ATP8A2: variants seen among roughly 807,000 people sequenced by gnomAD.
ATP8A2 encodes the protein ATPase phospholipid transporting 8A2.
In ATP8A2, 100 loss-of-function variants were observed where a neutral mutation model predicts 165.6. That is an observed-to-expected ratio of 0.60 (90% CI 0.51 to 0.71). The LOEUF is 0.71. Among genes scored for constraint, ATP8A2 ranks in the 30% least tolerant of loss-of-function variants. ATP8A2 has a pLI of 0.00. For synonymous variants in ATP8A2, 543 were observed against 548.8 expected (o/e 0.99, Z 0.15); for missense variants, 1,227 against 1,479.5 (o/e 0.83, Z 2.80).
chr13:25,679,090 G>A (rs2042430952), intron 24 of ATP8A2, among the ~76,000 whole-genome samples: 1 of 152,124 alleles, frequency 6.6e-6, no homozygotes, highest in African/African-American at 2.4e-5. Context: ...AACCAGGTAA[G>A]CAATGGGAGG....
At chr13:25,663,402 G>A (rs1381684814) in intron 24 of ATP8A2, among the ~76,000 whole-genome samples, 1 of 152,090 alleles carries the variant, frequency 6.6e-6, no homozygotes, top group Non-Finnish European at 1.5e-5. Flanking sequence ...TTTGCAGATG[G>A]GAGAGGTATT....
intron 25 of ATP8A2, among the ~76,000 whole-genome samples, chr13:25,743,125 A>G (rs1359861561): frequency 6.6e-6 from 1 of 152,066 alleles, no homozygotes; most frequent in Non-Finnish European, 1.5e-5. Flanking sequence ...ATACACCTTT[A>G]TAAGGACTGG....
chr13:25,726,269 C>A (rs1191383816), intron 25 of ATP8A2, among the ~76,000 whole-genome samples: 1 of 152,132 alleles, frequency 6.6e-6, no homozygotes, highest in Non-Finnish European at 1.5e-5. Context: ...AAATGTAACT[C>A]AATGTGTCAG....
At chr13:25,777,934 C>T (rs79640970) in intron 27 of ATP8A2, among the ~76,000 whole-genome samples, 4,006 of 152,278 alleles carry the variant, frequency 0.026, 170 homozygotes, top group African/African-American at 0.091. Flanking sequence ...CTGTCCTGAC[C>T]TTTTTCTCTG....
chr13:25,809,922 A>G (rs1341233467), intron 27 of ATP8A2, among the ~76,000 whole-genome samples: 1 of 152,156 alleles, frequency 6.6e-6, no homozygotes, highest in Non-Finnish European at 1.5e-5. Flanking sequence ...GAAGACATGC[A>G]TATGTGTCAA....
intron 2 of ATP8A2, among the ~76,000 whole-genome samples, chr13:25,497,121 A>C (rs2036701619): frequency 6.6e-6 from 1 of 152,150 alleles, no homozygotes; most frequent in Non-Finnish European, 1.5e-5. Context: ...ACAATATGTG[A>C]AGTATCATGA....
intron 33 of ATP8A2, among the ~76,000 whole-genome samples, chr13:25,897,769 C>T (rs572980227): frequency 2.3e-4 from 35 of 152,258 alleles, no homozygotes; most frequent in African/African-American, 8.2e-4. Flanking sequence ...TCTCTTCACG[C>T]TTCATTTCAT....
chr13:25,570,750 C>T lies in ATP8A2; in HGVS notation c.1474-17C>T. Reference sequence around the variant, plus strand: ...GAAGGTGTTGTATCTGACACTAATCCCGCCTCACGTTTGCAGCCCACAGCC... The same window carrying T: ...GAAGGTGTTGTATCTGACACTAATCTCGCCTCACGTTTGCAGCCCACAGCC... On this transcript the variant is annotated splice_polypyrimidine_tract_variant and intron_variant, in intron 16 of 36. Coordinates refer to ENST00000381655, the MANE Select transcript of ATP8A2 (RefSeq NM_016529.6). The T allele has an allele frequency of 6.2e-7, 1 of 1,604,416 alleles. No individual in the cohort carries two copies.
At chr13:25,979,852 A>T (rs1429171035) in intron 35 of ATP8A2, among the ~76,000 whole-genome samples, 1 of 152,146 alleles carries the variant, frequency 6.6e-6, no homozygotes, top group African/African-American at 2.4e-5. Flanking sequence ...CTAAGATGAC[A>T]CTGTCGGGGA....
At chr13:25,395,465 T>C (rs114426044) in intron 1 of ATP8A2, among the ~76,000 whole-genome samples, 4,538 of 152,170 alleles carry the variant, frequency 0.03, 78 homozygotes, top group Middle Eastern at 0.058. Flanking sequence ...AGAAAAGGCA[T>C]ACACATTTAT....
chr13:26,019,785 C>T (rs1055723125), intron 36 of ATP8A2, 103 bp from the exon 37 acceptor site: 15 of 733,832 alleles, frequency 2.0e-5, no homozygotes, highest in African/African-American at 7.0e-5. Context: ...GGCCAGATGT[C>T]GCACTCACCC....
chr13:25,627,996 G>A (rs965740615), intron 24 of ATP8A2, among the ~76,000 whole-genome samples: 5 of 152,176 alleles, frequency 3.3e-5, no homozygotes, highest in Admixed American at 2.6e-4. Flanking sequence ...CTGACATAAA[G>A]AAGCCATGAT....
intron 24 of ATP8A2, among the ~76,000 whole-genome samples, chr13:25,629,488 T>C (rs1366504306): frequency 6.6e-6 from 1 of 152,198 alleles, no homozygotes; most frequent in Non-Finnish European, 1.5e-5. Flanking sequence ...TCACCATTAG[T>C]AATACTCTTT....
intron 33 of ATP8A2, among the ~76,000 whole-genome samples, chr13:25,893,055 T>TA (rs1953426985): frequency 6.6e-6 from 1 of 152,026 alleles, no homozygotes; most frequent in Admixed American, 6.6e-5. Context: ...TTCTTTTTTT[T>TA]ATTATTATTA....
chr13:25,384,855 T>G (rs1041923326), intron 1 of ATP8A2, among the ~76,000 whole-genome samples: 18 of 152,190 alleles, frequency 1.2e-4, no homozygotes, highest in African/African-American at 3.6e-4. Flanking sequence ...CCATCCCAGT[T>G]TTTTGGCAGT....
intron 35 of ATP8A2, among the ~76,000 whole-genome samples, chr13:25,976,561 T>A (rs765145264): frequency 1.1e-3 from 150 of 142,586 alleles, no homozygotes; most frequent in Non-Finnish European, 1.9e-3. Flanking sequence ...TAGCATGGTC[T>A]GATGAAAAGG....
At chr13:25,536,517 C>T (rs1407287636) in intron 6 of ATP8A2, among the ~76,000 whole-genome samples, 1 of 152,172 alleles carries the variant, frequency 6.6e-6, no homozygotes, top group Non-Finnish European at 1.5e-5. Flanking sequence ...TCCCCAGACA[C>T]TTTAATAAAC....
At chr13:25,848,135 G>T (rs1593442756) in intron 30 of ATP8A2, among the ~76,000 whole-genome samples, 1 of 152,230 alleles carries the variant, frequency 6.6e-6, no homozygotes, top group African/African-American at 2.4e-5. Context: ...GGCCTTGCCA[G>T]GCATGCTGTG....
At chr13:25,792,061 C>CG (rs1484286206) in intron 27 of ATP8A2, among the ~76,000 whole-genome samples, 2 of 152,234 alleles carry the variant, frequency 1.3e-5, no homozygotes, top group Non-Finnish European at 2.9e-5. Context: ...GTGTAGAATT[C>CG]TATTTGTGTC....
Sources: allele counts gnomAD v4.1 joint callset (sites outside exome capture counted in the v4.1 genomes callset), GRCh38; gene constraint gnomAD v4.1.1; transcripts MANE v1.5; gene names NCBI Gene and HGNC (gene_info 2026-07-23, HGNC 2026-07-21).